RGS6: variants seen among roughly 807,000 people sequenced by gnomAD.
The protein encoded by RGS6 is regulator of G-protein signaling 6.
A neutral mutation model predicts 78.5 loss-of-function variants in RGS6; 30 were observed. That is an observed-to-expected ratio of 0.38 (90% CI 0.29 to 0.52). The LOEUF is 0.52. RGS6 is among the 20% of genes least tolerant of loss of function. RGS6 has a pLI of 0.85. For missense variants in RGS6, 495 were observed against 609.7 expected, an observed-to-expected ratio of 0.81 and a Z score of 1.98; for synonymous variants, 206 against 206.0, an observed-to-expected ratio of 1.00 and a Z score of 0.00.
At chr14:71,872,548 T>G in the RGS6 span, among the ~76,000 whole-genome samples, 1 of 152,156 alleles carries the variant, frequency 6.6e-6, no homozygotes, top group Non-Finnish European at 1.5e-5. Context: ...ATACTCCAAC[T>G]GCATAGAACT....
chr14:72,603,776 C>A, the RGS6 span, among the ~76,000 whole-genome samples: 1 of 152,068 alleles, frequency 6.6e-6, no homozygotes, highest in South Asian at 2.1e-4. Context: ...AAAGTTCCTG[C>A]TTGGGTGGTT....
At chr14:72,582,386 G>T in the RGS6 span, among the ~76,000 whole-genome samples, 1 of 152,150 alleles carries the variant, frequency 6.6e-6, no homozygotes, top group East Asian at 1.9e-4. Flanking sequence ...CTATTATAAC[G>T]TGAAACAATA....
intron 12 of RGS6, among the ~76,000 whole-genome samples, chr14:72,489,579 C>T (rs2096548821): frequency 6.6e-6 from 1 of 152,244 alleles, no homozygotes; most frequent in African/African-American, 2.4e-5. Flanking sequence ...TGACAAGTGT[C>T]CTCATAAGAC....
chr14:72,288,287 C>T (rs1390772386), intron 2 of RGS6, among the ~76,000 whole-genome samples: 6 of 152,258 alleles, frequency 3.9e-5, no homozygotes, highest in Middle Eastern at 3.4e-3. Context: ...TCAGTTCTTA[C>T]TTTTAAGACT....
chr14:71,935,657 GA>G (rs1461560486), intron 1 of RGS6, among the ~76,000 whole-genome samples: 1 of 152,150 alleles, frequency 6.6e-6, no homozygotes, highest in Admixed American at 6.5e-5. Context: ...AAAAGAAGTA[GA>G]AAGGTCATTG....
intron 1 of RGS6, among the ~76,000 whole-genome samples, chr14:71,951,409 G>A (rs1362453961): frequency 3.3e-5 from 5 of 152,108 alleles, no homozygotes; most frequent in Non-Finnish European, 5.9e-5. Context: ...GTTGGGGATG[G>A]GGGGATGGGG....
intron 2 of RGS6, among the ~76,000 whole-genome samples, chr14:72,248,301 G>A (rs1041463265): frequency 2.2e-4 from 33 of 152,226 alleles, no homozygotes. Context: ...GGTCCATTAA[G>A]CCAGAGGGTA....
intron 3 of RGS6, among the ~76,000 whole-genome samples, chr14:72,384,358 A>G (rs1286219283): frequency 1.3e-5 from 2 of 152,268 alleles, no homozygotes; most frequent in African/African-American, 4.8e-5. Flanking sequence ...ATTTCAGTCC[A>G]CACATGAGAA....
intron 2 of RGS6, among the ~76,000 whole-genome samples, chr14:72,116,022 C>T (rs542651183): frequency 1.3e-5 from 2 of 152,296 alleles, no homozygotes; most frequent in Admixed American, 6.5e-5. Context: ...TCTTTAAACT[C>T]CTGAATTTGT....
chr14:72,027,012 C>T (rs2089998410), intron 2 of RGS6, among the ~76,000 whole-genome samples: 1 of 151,988 alleles, frequency 6.6e-6, no homozygotes, highest in Admixed American at 6.5e-5. Context: ...AGGCCTGGGG[C>T]TTCCAAAAAG....
the RGS6 span, among the ~76,000 whole-genome samples, chr14:72,624,064 AG>A: frequency 6.6e-6 from 1 of 152,204 alleles, no homozygotes; most frequent in East Asian, 1.9e-4. Flanking sequence ...TAAAATCTTA[AG>A]TTCATAAACA....
intron 2 of RGS6, among the ~76,000 whole-genome samples, chr14:72,338,304 C>A (rs1447988293): frequency 6.6e-6 from 1 of 152,290 alleles, no homozygotes; most frequent in Non-Finnish European, 1.5e-5. Flanking sequence ...ACAATCATGG[C>A]AGAAGGCGAA....
intron 3 of RGS6, among the ~76,000 whole-genome samples, chr14:72,373,915 A>G (rs971341078): frequency 1.3e-5 from 2 of 152,156 alleles, no homozygotes; most frequent in African/African-American, 4.8e-5. Flanking sequence ...TTTTATAACA[A>G]TCATTTGATA....
chr14:72,037,284 G>A (rs1295152261), intron 2 of RGS6, among the ~76,000 whole-genome samples: 2 of 152,178 alleles, frequency 1.3e-5, no homozygotes, highest in African/African-American at 4.8e-5. Context: ...CATCCACACT[G>A]TGGAAGCTTT....
At chr14:72,195,085 G>C (rs549086384) in intron 2 of RGS6, among the ~76,000 whole-genome samples, 1 of 152,132 alleles carries the variant, frequency 6.6e-6, no homozygotes, top group Non-Finnish European at 1.5e-5. Context: ...ACACACACCT[G>C]TAATCACAGT....
chr14:72,463,582 C>G (rs961290358), intron 6 of RGS6, among the ~76,000 whole-genome samples: 18 of 152,236 alleles, frequency 1.2e-4, no homozygotes, highest in African/African-American at 4.3e-4. Flanking sequence ...CCCATTTGGA[C>G]ATTTCTTGGG....
intron 3 of RGS6, among the ~76,000 whole-genome samples, chr14:72,433,921 G>T (rs1352033397): frequency 6.6e-6 from 1 of 152,230 alleles, no homozygotes; most frequent in African/African-American, 2.4e-5. Context: ...CTAGCAAATA[G>T]TAAGCCCTAT....
At chr14:72,313,305 A>T (rs2069126214) in intron 2 of RGS6, among the ~76,000 whole-genome samples, 1 of 152,248 alleles carries the variant, frequency 6.6e-6, no homozygotes. Context: ...ACAGCAGAGC[A>T]TGAAACCAAG....
chr14:72,594,907 T>C, the RGS6 span: 1 of 152,070 alleles, frequency 6.6e-6, no homozygotes, highest in East Asian at 1.9e-4. Context: ...TGCCCACACA[T>C]TTTCCTTTTC....
Sources: gnomAD v4.1 joint callset for allele counts (sites outside exome capture counted in the v4.1 genomes callset) on GRCh38, gnomAD v4.1.1 for gene constraint, MANE v1.5 for transcripts, NCBI Gene and HGNC (gene_info 2026-07-23, HGNC 2026-07-21) for gene names.